The following PCDHGB4 variants were observed in gnomAD, a reference collection of about 807,000 sequenced individuals.
PCDHGB4 encodes the protein protocadherin gamma subfamily B, 4, also known as protocadherin gamma-B4.
Under a neutral mutation model 60.5 loss-of-function variants are expected in PCDHGB4, and 38 were observed. That is an observed-to-expected ratio of 0.63 (90% CI 0.48 to 0.82). The LOEUF is 0.82. Among genes scored for constraint, PCDHGB4 ranks in the 40% least tolerant of loss-of-function variants. The probability of loss-of-function intolerance (pLI) is 0.00; values close to 1 mark genes in which losing one functional copy is unlikely to be tolerated. For missense variants in PCDHGB4, 1,109 were observed against 1,209.6 expected, an observed-to-expected ratio of 0.92 and a Z score of 1.23; for synonymous variants, 456 against 509.7, an observed-to-expected ratio of 0.89 and a Z score of 1.42.
intron 1 of PCDHGB4, chr5:141,422,266 G>A (rs1393466157): frequency 6.4e-7 from 1 of 1,563,654 alleles, no homozygotes; most frequent in Non-Finnish European, 8.6e-7. Context: ...TAACGCTCCA[G>A]AAATAACTAT....
At position 141,477,020 on chromosome 5, in the gene PCDHGB4, G is replaced by A; in HGVS notation, c.2398-17787G>A. The A allele has an allele frequency of 6.2e-7, 1 of 1,614,224 alleles. No individual in the cohort carries two copies. Among genetic ancestry groups the A allele is most frequent in the Non-Finnish European group, 8.5e-7 (1 of 1,180,048 alleles). ...ACTATTCGCCTTAGACCTTGTAACC[G>A]GGATGCTGACAATCAAGGGTCGGCT... On this transcript the variant is annotated intron_variant, in intron 1 of 3. Transcript: ENST00000519479. This position sits in a 1 kb window ranked among gnomAD's most constrained non-coding sequence, Gnocchi z 4.9.
rs751345684 is a variant in PCDHGB4 at position 141,398,995 on chromosome 5, C to G, written c.2397+8714C>G. ...CTACAGAACCGGGCAAATCTTTAGT[C>G]TGAATTCAAAGAGCGGAGAAATTAC... On this transcript the variant is annotated intron_variant, in intron 1 of 3. Transcript: ENST00000519479. 2.5e-5 allele frequency: 41 copies of G among 1,613,782 alleles called. No homozygotes were observed. The East Asian group carries it at 8.7e-4, about 34-fold the overall frequency.
rs532502013 is a variant in PCDHGB4 at position 141,404,723 on chromosome 5, G to A, written c.2397+14442G>A. 3.1e-6 allele frequency: 5 copies of A among 1,614,094 alleles called. No individual in the cohort carries two copies. Among genetic ancestry groups the A allele is most frequent in the Middle Eastern group, 1.6e-4 (1 of 6,062 alleles). On this transcript the variant is annotated intron_variant, in intron 1 of 3. Coordinates refer to ENST00000519479, the MANE Select transcript of PCDHGB4 (RefSeq NM_003736.4). ...AGAGCCTGGCTACCTGGTGACCAAG[G>A]TGGTGGCAGTGGACAGAGACTCAGG...
At chr5:141,405,227 C>T (rs562247940) in intron 1 of PCDHGB4, 1 of 1,614,114 alleles carries the variant, frequency 6.2e-7, no homozygotes, top group South Asian at 1.1e-5. Flanking sequence ...GGAGTTCTCC[C>T]TCACCGCTGA....
At chr5:141,433,096 C>A in intron 1 of PCDHGB4, 3 of 1,614,118 alleles carry the variant, frequency 1.9e-6, no homozygotes, top group Non-Finnish European at 2.5e-6. Context: ...CAGACATGCT[C>A]GTCAGCCAGG....
rs770638374 is a variant in PCDHGB4 at position 141,409,524 on chromosome 5, A to G, written c.2397+19243A>G. On this transcript the variant is annotated intron_variant, in intron 1 of 3. Coordinates refer to ENST00000519479, the MANE Select transcript of PCDHGB4 (RefSeq NM_003736.4). ...TCTTCCAGTAGAAGCATCACCTTGTATGTCGCTGACATCAACGACAACGCC... is the reference window on the plus strand; with the variant it reads ...TCTTCCAGTAGAAGCATCACCTTGTGTGTCGCTGACATCAACGACAACGCC... 11 of 1,613,972 alleles carry G rather than the reference A, an allele frequency of 6.8e-6. No homozygotes were observed. In the South Asian group the frequency reaches 1.1e-4, roughly 16 times the overall value.
intron 1 of PCDHGB4, chr5:141,395,547 TGTGTG>T (rs2093267739): frequency 0.011 from 1,902 of 174,314 alleles, 94 homozygotes; most frequent in African/African-American, 0.026. Flanking sequence ...ATTGTTTGTG[TGTGTG>T]TGTGTGTGTG....
At chr5:141,465,840 A>G (rs1212861707) in intron 1 of PCDHGB4, among the ~76,000 whole-genome samples, 1 of 151,734 alleles carries the variant, frequency 6.6e-6, no homozygotes, top group Non-Finnish European at 1.5e-5. Context: ...ATTTCAACTG[A>G]GGCTGGGCCC....
chr5:141,415,284 G>T (rs186109113), intron 1 of PCDHGB4: 1 of 1,614,198 alleles, frequency 6.2e-7, no homozygotes, highest in East Asian at 2.2e-5. Context: ...CGGTGGCCGC[G>T]GTCTCCTGCG....
chr5:141,414,751 T>C (rs2095785645), intron 1 of PCDHGB4: 4 of 1,614,084 alleles, frequency 2.5e-6, no homozygotes, highest in Non-Finnish European at 1.7e-6. Flanking sequence ...ATCCTTCGAC[T>C]ATGAGCAGTT....
In PCDHGB4 at chr5:141,432,088, A is replaced by T. The variant is rs144317211; in HGVS notation, c.2397+41807A>T. The T allele has an allele frequency of 2.9e-5, 47 of 1,614,148 alleles. No individual in the cohort carries two copies. In the African/African-American group the frequency reaches 5.7e-4, roughly 20 times the overall value. On this transcript the variant is annotated intron_variant, in intron 1 of 3. Transcript: ENST00000519479. This position sits in a 1 kb window ranked among gnomAD's most constrained non-coding sequence, Gnocchi z 6.0. Reference sequence around the variant, plus strand: ...AAACTCATATCTCGCTGAACGTGGCAGACACCAACGACAACCCGCCGGTCT... The same window carrying T: ...AAACTCATATCTCGCTGAACGTGGCTGACACCAACGACAACCCGCCGGTCT...
intron 1 of PCDHGB4, among the ~76,000 whole-genome samples, chr5:141,444,402 C>T (rs916833331): frequency 6.6e-6 from 1 of 151,932 alleles, no homozygotes; most frequent in African/African-American, 2.4e-5. Flanking sequence ...AACTCCCAAC[C>T]TCAGGTGATC....
In PCDHGB4 at chr5:141,511,346, C is replaced by T; in HGVS notation, c.*173C>T. 7.1e-7 allele frequency: 1 copy of T among 1,400,168 alleles called. No homozygotes were observed. The allele number at this position is 1,400,168 out of a possible 1,614,324, so 86.7% of individuals were successfully genotyped here. A position where few individuals can be genotyped will look rare whatever the true frequency, so the allele number is the denominator to read the frequency against. On this transcript the variant is annotated 3_prime_UTR_variant, in exon 4 of 4. Transcript: ENST00000519479. ...AGTGCCCAGTCAGCACCTACCCCTT[C>T]CCCCCCAGGGGGTTGAATATGCAAA...
intron 1 of PCDHGB4, chr5:141,418,513 G>T (rs377653202): frequency 1.1e-4 from 173 of 1,613,842 alleles, no homozygotes; most frequent in Non-Finnish European, 1.2e-4. Flanking sequence ...TAGATGGTGG[G>T]GACCCTCCCC....
At chr5:141,413,622 T>C (rs1561743710) in intron 1 of PCDHGB4, 2 of 1,613,760 alleles carry the variant, frequency 1.2e-6, no homozygotes, top group Non-Finnish European at 1.7e-6. Flanking sequence ...TTAATGAAAA[T>C]GTCGCTGCGG....
Position 141,493,685 on chromosome 5 carries a change from G to A in PCDHGB4, c.2398-1122G>A, listed in dbSNP as rs139973755. ...CCATGGCAGCCCCAGAATGGTGCTG[G>A]TGACTCCCGATACACCTGGAATGCT... On this transcript the variant is annotated intron_variant, in intron 1 of 3. Transcript: ENST00000519479. The surrounding 1 kb of genome is among the most constrained non-coding windows in gnomAD (Gnocchi z 4.3). 1.1e-3 allele frequency among the ~76,000 whole-genome samples: 165 copies of A among 152,282 alleles called. 3 individuals carry two copies. The highest frequency in any genetic ancestry group is 8.2e-3 in the Admixed American group (125 of 15,298).
At chr5:141,502,818 C>T (rs1209481886) in intron 2 of PCDHGB4, among the ~76,000 whole-genome samples, 1 of 150,836 alleles carries the variant, frequency 6.6e-6, no homozygotes, top group Non-Finnish European at 1.5e-5. Context: ...ACTGTCTTTT[C>T]CTTGGGGAAG....
At chr5:141,398,534 A>T in intron 1 of PCDHGB4, 1 of 1,613,768 alleles carries the variant, frequency 6.2e-7, no homozygotes, top group South Asian at 1.1e-5. Flanking sequence ...TTCACGCAAA[A>T]TTCCTTTGAG....
chr5:141,417,980 C>A lies in PCDHGB4; in HGVS notation c.2397+27699C>A, dbSNP rs905203424. On this transcript the variant is annotated intron_variant, in intron 1 of 3. Transcript: ENST00000519479. ...GATCCGCTACTCGATTCCGGAGGAG[C>A]TGGCCAAGGGCTCGGTGGTGGGGAA... is the stretch of plus-strand genomic sequence containing the variant. 4.3e-6 allele frequency: 7 copies of A among 1,613,856 alleles called. No homozygotes were observed. The Admixed American group carries it at 1.0e-4, about 23-fold the overall frequency.
Sources: gnomAD v4.1 joint callset for allele counts (sites outside exome capture counted in the v4.1 genomes callset) on GRCh38, gnomAD v4.1.1 for gene constraint, Gnocchi (gnomAD v3.1) non-coding constraint, MANE v1.5 for transcripts, NCBI Gene and HGNC (gene_info 2026-07-23, HGNC 2026-07-21) for gene names.